Variants in CES5A observed in about 807,000 individuals in gnomAD.
CES5A encodes the protein carboxylesterase 5.
Under a neutral mutation model 62.9 loss-of-function variants are expected in CES5A, and 67 were observed. That is an observed-to-expected ratio of 1.07 (90% CI 0.88 to 1.31). The LOEUF is 1.31. Ranked by LOEUF, CES5A falls within the 50% of genes most tolerant of loss-of-function variation. CES5A has a pLI of 0.00. For synonymous variants in CES5A, 296 were observed against 280.8 expected (o/e 1.05, Z -0.54); for missense variants, 748 against 708.5 (o/e 1.06, Z -0.63).
intron 2 of CES5A, among the ~76,000 whole-genome samples, chr16:55,934,753 T>G (rs2034352142): frequency 6.6e-6 from 1 of 151,988 alleles, no homozygotes; most frequent in Non-Finnish European, 1.5e-5. Flanking sequence ...CTGCCTTGTG[T>G]GACTATGGAA....
At chr16:55,940,482 G>T (rs2034434439) in intron 2 of CES5A, among the ~76,000 whole-genome samples, 2 of 151,896 alleles carry the variant, frequency 1.3e-5, no homozygotes, top group African/African-American at 4.8e-5. Flanking sequence ...CATCCAAGAT[G>T]AAATGAATAA....
intron 1 of CES5A, among the ~76,000 whole-genome samples, chr16:55,897,946 A>G (rs1451197083): frequency 6.6e-6 from 1 of 152,238 alleles, no homozygotes; most frequent in Non-Finnish European, 1.5e-5. Context: ...TCCCAGATAA[A>G]GTCAAACTAA....
intron 10 of CES5A, among the ~76,000 whole-genome samples, 179 bp from the exon 11 acceptor site, chr16:55,849,952 C>T (rs1403743253): frequency 6.6e-6 from 1 of 152,214 alleles, no homozygotes; most frequent in East Asian, 1.9e-4. Flanking sequence ...GCTCATATCC[C>T]TAGTGATGAA....
intron 4 of CES5A, among the ~76,000 whole-genome samples, chr16:55,868,838 T>C (rs1490782286): frequency 7.9e-5 from 12 of 152,132 alleles, no homozygotes. Context: ...CCCTGGGAAG[T>C]TGTTTGGCCT....
chr16:55,949,782 C>A, intron 2 of CES5A: 1 of 1,422,708 alleles, frequency 7.0e-7, no homozygotes, highest in South Asian at 1.4e-5. Flanking sequence ...TCAAACAACT[C>A]ACCCTCATCT....
chr16:55,937,614 G>C (rs1243090786), intron 2 of CES5A, among the ~76,000 whole-genome samples: 1 of 152,228 alleles, frequency 6.6e-6, no homozygotes, highest in Non-Finnish European at 1.5e-5. Context: ...AGCCAAGTGG[G>C]CATATCATAC....
intron 1 of CES5A, among the ~76,000 whole-genome samples, chr16:55,953,925 A>G (rs2034582788): frequency 6.6e-6 from 1 of 152,192 alleles, no homozygotes; most frequent in South Asian, 2.1e-4. Flanking sequence ...ATTTCTAAAT[A>G]CACAATAAAT....
chr16:55,878,377 G>A (rs1047139610), upstream of CES5A, among the ~76,000 whole-genome samples: 8 of 151,954 alleles, frequency 5.3e-5, no homozygotes, highest in East Asian at 3.9e-4. Flanking sequence ...TCAGGTCACC[G>A]GGCAATGCCC....
intron 8 of CES5A, among the ~76,000 whole-genome samples, chr16:55,858,828 C>A (rs116204009): frequency 0.016 from 2,503 of 152,216 alleles, 68 homozygotes; most frequent in African/African-American, 0.058. Flanking sequence ...GCCACGGAAT[C>A]AAAAAATCAT....
chr16:55,860,460 G>A (rs569316176), intron 7 of CES5A, among the ~76,000 whole-genome samples: 1 of 150,698 alleles, frequency 6.6e-6, no homozygotes, highest in East Asian at 2.0e-4. Flanking sequence ...GGGGTGTATA[G>A]CCCAGGAACC....
At chr16:55,920,909 A>G (rs1324272957) in intron 1 of CES5A, among the ~76,000 whole-genome samples, 2 of 152,250 alleles carry the variant, frequency 1.3e-5, no homozygotes, top group African/African-American at 4.8e-5. Flanking sequence ...ACAGAAACTT[A>G]ACAAAGACTG....
intron 1 of CES5A, among the ~76,000 whole-genome samples, chr16:55,950,413 A>G (rs2034542153): frequency 6.6e-6 from 1 of 152,228 alleles, no homozygotes; most frequent in Non-Finnish European, 1.5e-5. Flanking sequence ...TGTAGCACAC[A>G]TACAAAATTA....
intron 1 of CES5A, among the ~76,000 whole-genome samples, chr16:55,883,518 C>T (rs1262111017): frequency 2.0e-5 from 3 of 152,154 alleles, no homozygotes; most frequent in African/African-American, 7.2e-5. Flanking sequence ...CATGATCCTC[C>T]CATCTCGGCC....
intron 2 of CES5A, among the ~76,000 whole-genome samples, chr16:55,935,350 TTC>T (rs1210246623): frequency 6.6e-6 from 1 of 152,202 alleles, no homozygotes; most frequent in African/African-American, 2.4e-5. Context: ...AGCCTTTCTG[TTC>T]TATTTCAGCT....
At chr16:55,937,271 T>A (rs2034386717) in intron 2 of CES5A, among the ~76,000 whole-genome samples, 1 of 152,170 alleles carries the variant, frequency 6.6e-6, no homozygotes, top group Non-Finnish European at 1.5e-5. Context: ...CCAACCCCAA[T>A]CACCTTGCAT....
Position 55,866,658 on chromosome 16 carries a change from T to TAAAAAAAAAAAAAAAAAAAAAAAAA in CES5A, c.552-543_552-542insTTTTTTTTTTTTTTTTTTTTTTTTT, listed in dbSNP as rs369679801. The stretch of plus-strand genomic sequence containing the variant: ...TAATATAGTGAAACTCTGTCTCTGC[T>TAAAAAAAAAAAAAAAAAAAAAAAAA]AAAAAAAAAAAAAAAAAAAATACAA... On this transcript the variant is annotated intron_variant, in intron 4 of 12. Coordinates refer to ENST00000290567, the MANE Select transcript of CES5A (RefSeq NM_001143685.2). 2.7e-4 allele frequency among the ~76,000 whole-genome samples: 22 copies of TAAAAAAAAAAAAAAAAAAAAAAAAA among 82,842 alleles called. 1 individual carries two copies. The highest frequency in any genetic ancestry group is 8.3e-4 in the South Asian group (2 of 2,402). 54.3% of individuals were successfully genotyped at this position (82,842 alleles called of 152,430 possible).
Position 55,873,930 on chromosome 16 carries a change from G to A in CES5A, c.181C>T (p.Pro61Ser), listed in dbSNP as rs779612374. 1.9e-6 allele frequency: 3 copies of A among 1,613,716 alleles called. No individual in the cohort carries two copies. The highest frequency in any genetic ancestry group is 2.2e-5 in the East Asian group (1 of 44,886). The change falls in exon 2 of 13, where the codon CCC becomes TCC. Residue 61 changes from proline (P) to serine (S), a missense_variant. Physicochemically the swap from Pro to Ser is moderately conservative, Grantham distance 74. Coordinates refer to ENST00000290567, the MANE Select transcript of CES5A (RefSeq NM_001143685.2). ...PVPVNVFLGV[P>S]FAAPPLGSLR... is the part of the protein sequence containing the mutation. Reference sequence around the variant, plus strand: ...GATCCCAGCGGGGGAGCAGCAAAGGGGACTCCGAGGAACACGTTCACAGGC... The same window carrying A: ...GATCCCAGCGGGGGAGCAGCAAAGGAGACTCCGAGGAACACGTTCACAGGC...
chr16:55,907,818 T>A (rs995883115), intron 1 of CES5A, among the ~76,000 whole-genome samples: 1 of 152,168 alleles, frequency 6.6e-6, no homozygotes, highest in Non-Finnish European at 1.5e-5. Context: ...CCCCTGTCAC[T>A]GTCCCTTCTT....
At position 55,869,296 on chromosome 16, in the gene CES5A, C is replaced by T. The variant is rs766771905; in HGVS notation, c.551+315G>A. ...GGTCCACCCACCAAATGCAGAAGAT[C>T]GAGGCCCTAAAGAATCCACATCAGA... On this transcript the variant is annotated intron_variant, in intron 4 of 12. Coordinates refer to ENST00000290567, the MANE Select transcript of CES5A (RefSeq NM_001143685.2). Among the ~76,000 whole-genome samples, 14 of 152,320 alleles carry T rather than the reference C, an allele frequency of 9.2e-5. 1 individual carries two copies. In the Middle Eastern group the frequency reaches 0.01, roughly 111 times the overall value.
Sources: allele counts gnomAD v4.1 joint callset (sites outside exome capture counted in the v4.1 genomes callset), GRCh38; gene constraint gnomAD v4.1.1; transcripts MANE v1.5; gene names NCBI Gene and HGNC (gene_info 2026-07-23, HGNC 2026-07-21).